Variants in GLIS3 observed in about 807,000 individuals in gnomAD.
The protein encoded by GLIS3 is GLIS family zinc finger 3.
Under a neutral mutation model 78.6 loss-of-function variants are expected in GLIS3, and 53 were observed. The ratio of observed to expected loss-of-function variants is 0.67; its 90% CI spans 0.54 to 0.85. The LOEUF (loss-of-function observed/expected upper bound fraction) is 0.85. Ranked by LOEUF, GLIS3 falls within the 40% of genes least tolerant of loss-of-function variation. The pLI, the probability that GLIS3 is intolerant of heterozygous loss-of-function variation, is 0.00. For missense variants in GLIS3, 1,703 were observed against 1,231.1 expected (o/e 1.38, Z -5.74); for synonymous variants, 684 against 509.9 (o/e 1.34, Z -4.60).
At chr9:4,304,533 C>G (rs953637798), upstream of GLIS3, among the ~76,000 whole-genome samples, 9 of 151,916 alleles carry the variant, frequency 5.9e-5, no homozygotes, top group African/African-American at 2.2e-4. Flanking sequence ...ACCCTGAATT[C>G]TAGCCTCAAA....
At chr9:3,928,439 A>C (rs1460870389) in intron 6 of GLIS3, among the ~76,000 whole-genome samples, 1 of 152,244 alleles carries the variant, frequency 6.6e-6, no homozygotes, top group African/African-American at 2.4e-5. Context: ...CACTTAATAT[A>C]TGCTTCAATT....
chr9:3,874,124 G>C (rs1454467036), intron 8 of GLIS3, among the ~76,000 whole-genome samples: 1 of 152,252 alleles, frequency 6.6e-6, no homozygotes, highest in South Asian at 2.1e-4. Context: ...GAATGAGACT[G>C]AGACTGGCAA....
At chr9:4,263,984 T>A (rs1464609129) in intron 2 of GLIS3, among the ~76,000 whole-genome samples, 1 of 152,176 alleles carries the variant, frequency 6.6e-6, no homozygotes, top group East Asian at 1.9e-4. Flanking sequence ...ATCATCTCTA[T>A]GCTGTTAACT....
chr9:4,167,156 G>C (rs773058198), intron 2 of GLIS3, among the ~76,000 whole-genome samples: 2 of 152,198 alleles, frequency 1.3e-5, no homozygotes, highest in Non-Finnish European at 2.9e-5. Flanking sequence ...GACATCCAAA[G>C]AGGATAAGGG....
At chr9:4,453,345 C>CAAAAA in the GLIS3 span, among the ~76,000 whole-genome samples, 447 of 91,504 alleles carry the variant, frequency 4.9e-3, 3 homozygotes, top group African/African-American at 9.5e-3. Context: ...TTCTGCACAG[C>CAAAAA]AAAAAAAAAA....
At chr9:4,326,930 A>G (rs1450051227) in intron 2 of GLIS3, among the ~76,000 whole-genome samples, 1 of 152,156 alleles carries the variant, frequency 6.6e-6, no homozygotes, top group African/African-American at 2.4e-5. Flanking sequence ...CCAAAGGATA[A>G]AGTTATTCCT....
chr9:4,468,170 G>T, the GLIS3 span, among the ~76,000 whole-genome samples: 11 of 152,360 alleles, frequency 7.2e-5, no homozygotes, highest in East Asian at 2.1e-3. Flanking sequence ...TGGTGTACCT[G>T]AAAGTGACGG....
chr9:3,879,997 G>C (rs146417163), intron 7 of GLIS3, among the ~76,000 whole-genome samples: 3 of 152,278 alleles, frequency 2.0e-5, no homozygotes, highest in Non-Finnish European at 4.4e-5. Context: ...GCACAGCACA[G>C]GCCTTCTTCC....
intron 2 of GLIS3, among the ~76,000 whole-genome samples, chr9:4,214,469 G>A (rs1490717877): frequency 6.6e-6 from 1 of 152,168 alleles, no homozygotes; most frequent in Admixed American, 6.5e-5. Context: ...CACATTGACT[G>A]AGAATCTCCC....
chr9:4,458,925 A>T, the GLIS3 span, among the ~76,000 whole-genome samples: 1 of 152,230 alleles, frequency 6.6e-6, no homozygotes, highest in Non-Finnish European at 1.5e-5. Context: ...GCTAGAGCAG[A>T]AGTGGGTGAC....
chr9:4,311,450 T>C lies in GLIS3; in HGVS notation n.265-922A>G, dbSNP rs73641419. 4.5e-3 allele frequency among the ~76,000 whole-genome samples: 691 copies of C among 152,274 alleles called. 5 individuals carry two copies. The highest frequency in any genetic ancestry group is 0.015 in the African/African-American group (641 of 41,552). On this transcript the variant is annotated intron_variant and non_coding_transcript_variant, in intron 2 of 4. Coordinates refer to the GLIS3 transcript ENST00000471664. The stretch of plus-strand genomic sequence containing the variant: ...AAAGTGTTTAGCTTTTGTAATCCCA[T>C]GTATTTCATTTTAGACCTTACTCTG...
the GLIS3 span, among the ~76,000 whole-genome samples, chr9:4,461,966 T>C: frequency 6.6e-6 from 1 of 152,218 alleles, no homozygotes; most frequent in Non-Finnish European, 1.5e-5. Flanking sequence ...GTAATATAAA[T>C]ATTATAATAA....
At chr9:4,424,815 C>T in the GLIS3 span, among the ~76,000 whole-genome samples, 7 of 151,238 alleles carry the variant, frequency 4.6e-5, no homozygotes, top group African/African-American at 1.7e-4. Context: ...AGTGATCTTC[C>T]TTTCAAAGCA....
chr9:3,955,680 T>A (rs768706948), intron 4 of GLIS3, among the ~76,000 whole-genome samples: 1 of 152,058 alleles, frequency 6.6e-6, no homozygotes, highest in African/African-American at 2.4e-5. Context: ...GCATGAAAAG[T>A]AGCAAAATGT....
At chr9:4,433,117 G>A in the GLIS3 span, among the ~76,000 whole-genome samples, 1 of 152,176 alleles carries the variant, frequency 6.6e-6, no homozygotes, top group African/African-American at 2.4e-5. Flanking sequence ...CTATATAAAT[G>A]TTGCTCTGAT....
intron 4 of GLIS3, among the ~76,000 whole-genome samples, chr9:4,092,274 C>A (rs1284217902): frequency 6.6e-6 from 1 of 151,768 alleles, no homozygotes; most frequent in Non-Finnish European, 1.5e-5. Context: ...GTCTCAGCCT[C>A]CCGAGTAGCT....
the GLIS3 span, among the ~76,000 whole-genome samples, chr9:4,481,640 T>C: frequency 2.0e-5 from 3 of 152,188 alleles, no homozygotes; most frequent in Non-Finnish European, 2.9e-5. Context: ...TGTCTCATTA[T>C]CTAGTGTACT....
intron 1 of GLIS3, among the ~76,000 whole-genome samples, chr9:4,295,594 A>C (rs963711206): frequency 6.6e-6 from 1 of 152,214 alleles, no homozygotes; most frequent in Non-Finnish European, 1.5e-5. Context: ...TATCTGTTAG[A>C]AACCAGGGCA....
At chr9:3,905,625 C>T (rs543544563) in intron 6 of GLIS3, among the ~76,000 whole-genome samples, 6 of 152,270 alleles carry the variant, frequency 3.9e-5, no homozygotes, top group African/African-American at 1.4e-4. Context: ...AGCACACACA[C>T]AGTGGTCCCA....
Sources: gnomAD v4.1 joint callset for allele counts (sites outside exome capture counted in the v4.1 genomes callset) on GRCh38, gnomAD v4.1.1 for gene constraint, MANE v1.5 for transcripts, NCBI Gene and HGNC (gene_info 2026-07-23, HGNC 2026-07-21) for gene names.